Variants in DPP10 observed in about 807,000 individuals in gnomAD.
DPP10 encodes the protein inactive dipeptidyl peptidase 10.
DPP10 carries 33 observed loss-of-function variants against 120.9 expected under a neutral mutation model. That is an observed-to-expected ratio of 0.27 (90% CI 0.21 to 0.37). The LOEUF (loss-of-function observed/expected upper bound fraction) is 0.37. Ranked by LOEUF, DPP10 falls within the 10% of genes least tolerant of loss-of-function variation. The probability of loss-of-function intolerance (pLI) is 1.00; values close to 1 mark genes in which losing one functional copy is unlikely to be tolerated. For missense variants in DPP10, 816 were observed against 942.8 expected, an observed-to-expected ratio of 0.87 and a Z score of 1.76; for synonymous variants, 337 against 326.1, an observed-to-expected ratio of 1.03 and a Z score of -0.36.
intron 1 of DPP10, among the ~76,000 whole-genome samples, chr2:114,656,281 A>G (rs1696961463): frequency 6.6e-6 from 1 of 152,126 alleles, no homozygotes; most frequent in Admixed American, 6.6e-5. Context: ...ATCAGTTATT[A>G]GAATTTAGAC....
intron 1 of DPP10, among the ~76,000 whole-genome samples, chr2:114,834,199 C>T (rs547264571): frequency 2.7e-4 from 39 of 146,344 alleles, no homozygotes; most frequent in African/African-American, 9.9e-4. Context: ...TATATATAAG[C>T]CATATCTACA....
intron 3 of DPP10, among the ~76,000 whole-genome samples, chr2:115,422,121 G>A (rs1442125246): frequency 1.3e-5 from 2 of 152,046 alleles, no homozygotes; most frequent in African/African-American, 4.8e-5. Flanking sequence ...GGATTCGAGA[G>A]GGAAAATTGT....
chr2:115,782,480 C>T, intron 17 of DPP10, 81 bp downstream of exon 17: 1 of 1,329,442 alleles, frequency 7.5e-7, no homozygotes, highest in Admixed American at 1.8e-5. Flanking sequence ...TGAGTCATAT[C>T]CTCTATAAAT....
rs115966927 is a variant in DPP10, at chr2:115,641,720, G to A, written c.442-47967G>A. Reference sequence around the variant, plus strand: ...ATGCCTGTCAGATACTGGGTTCAATGTGCATGTGGAATAAATGAATGGATA... The same window carrying A: ...ATGCCTGTCAGATACTGGGTTCAATATGCATGTGGAATAAATGAATGGATA... On this transcript the variant is annotated intron_variant, in intron 5 of 25. Transcript: ENST00000410059. 6.6e-3 allele frequency among the ~76,000 whole-genome samples: 1,011 copies of A among 152,266 alleles called. 11 individuals carry two copies. The highest frequency in any genetic ancestry group is 0.023 in the African/African-American group (968 of 41,556).
chr2:115,251,996 C>G (rs1419990448), intron 1 of DPP10, among the ~76,000 whole-genome samples: 3 of 152,258 alleles, frequency 2.0e-5, no homozygotes, highest in African/African-American at 7.2e-5. Context: ...TTGAGCATGT[C>G]TAAAAAAGTT....
chr2:114,804,144 A>T (rs71418518), intron 1 of DPP10, among the ~76,000 whole-genome samples: 9,260 of 152,298 alleles, frequency 0.061, 318 homozygotes, highest in South Asian at 0.1. Context: ...GGAAGCCCCA[A>T]GCCTTGGCAG....
chr2:115,583,123 A>G (rs148913857), intron 5 of DPP10, among the ~76,000 whole-genome samples: 4 of 152,320 alleles, frequency 2.6e-5, no homozygotes, highest in Non-Finnish European at 1.5e-5. Context: ...TGGGTTTTAT[A>G]TGTTCCAGGT....
At chr2:114,849,970 T>C (rs747171133) in intron 1 of DPP10, among the ~76,000 whole-genome samples, 2 of 151,588 alleles carry the variant, frequency 1.3e-5, no homozygotes, top group African/African-American at 2.4e-5. Flanking sequence ...TTGTTTCTTC[T>C]CTTCTCCCTC....
At chr2:115,737,288 A>C (rs2149680414) in intron 8 of DPP10, among the ~76,000 whole-genome samples, 2 of 152,100 alleles carry the variant, frequency 1.3e-5, no homozygotes, top group African/African-American at 4.8e-5. Context: ...TTTCACTTTT[A>C]TTTTATAGTG....
chr2:115,565,216 T>C (rs2080925907), intron 5 of DPP10, among the ~76,000 whole-genome samples: 1 of 152,206 alleles, frequency 6.6e-6, no homozygotes, highest in African/African-American at 2.4e-5. Context: ...AACTGTTGAA[T>C]TTGAAACAAT....
rs544856482 is a variant in DPP10 at position 115,475,548 on chromosome 2, C to T, written c.272-23962C>T. 7.9e-5 allele frequency among the ~76,000 whole-genome samples: 12 copies of T among 152,308 alleles called. No individual in the cohort carries two copies. The East Asian group carries it at 2.3e-3, about 29-fold the overall frequency. ...GGGGTTGGAGTCCCCACACAGAATC[C>T]CCAGTGGAGGACTGTCTAGTGGAGC... On this transcript the variant is annotated intron_variant, in intron 3 of 25. Transcript: ENST00000410059.
intron 2 of DPP10, among the ~76,000 whole-genome samples, chr2:115,337,687 A>AT (rs2063225519): frequency 7.1e-6 from 1 of 141,430 alleles, no homozygotes; most frequent in South Asian, 2.3e-4. Flanking sequence ...AAAAAAAAAA[A>AT]GATAGAGGAT....
At chr2:115,320,733 A>T (rs907815603) in intron 2 of DPP10, among the ~76,000 whole-genome samples, 2 of 152,156 alleles carry the variant, frequency 1.3e-5, no homozygotes, top group African/African-American at 4.8e-5. Flanking sequence ...TAAGAAATAT[A>T]AAGATGAGTC....
At chr2:115,118,563 GT>G (rs1199633077) in intron 1 of DPP10, among the ~76,000 whole-genome samples, 1 of 152,008 alleles carries the variant, frequency 6.6e-6, no homozygotes, top group Admixed American at 6.6e-5. Context: ...AGGCAAGTTT[GT>G]TTTTTTGTTT....
chr2:114,830,680 A>G (rs1158022809), intron 1 of DPP10, among the ~76,000 whole-genome samples: 1 of 152,094 alleles, frequency 6.6e-6, no homozygotes, highest in Admixed American at 6.6e-5. Context: ...ACTTTTGTCA[A>G]TTTATTCAGC....
At chr2:114,669,191 C>G (rs184595015) in intron 1 of DPP10, among the ~76,000 whole-genome samples, 15 of 152,234 alleles carry the variant, frequency 9.9e-5, no homozygotes, top group Admixed American at 8.5e-4. Flanking sequence ...ATCAAAAAGC[C>G]TATACATTTT....
chr2:114,670,515 C>T (rs1183019222), intron 1 of DPP10, among the ~76,000 whole-genome samples: 1 of 151,308 alleles, frequency 6.6e-6, no homozygotes, highest in Non-Finnish European at 1.5e-5. Context: ...GAACATCACA[C>T]TCTGGGGACT....
At chr2:115,180,320 C>A (rs1261187480) in intron 1 of DPP10, among the ~76,000 whole-genome samples, 1 of 152,028 alleles carries the variant, frequency 6.6e-6, no homozygotes, top group Non-Finnish European at 1.5e-5. Context: ...CAGGCAGATT[C>A]CTGATTTCAT....
In DPP10 at chr2:114,979,937, T is replaced by G. The variant is rs1048494636; in HGVS notation, c.61-329302T>G. Among the ~76,000 whole-genome samples the G allele has an allele frequency of 7.2e-5, 11 of 152,240 alleles. No individual in the cohort carries two copies. In the South Asian group the frequency reaches 1.4e-3, roughly 20 times the overall value. ...TCGGTTGGTATCTTCCTAAGAAAATTTTGTCAGTTTCTATAGTCTTTTGCA... is the reference window on the plus strand; with the variant it reads ...TCGGTTGGTATCTTCCTAAGAAAATGTTGTCAGTTTCTATAGTCTTTTGCA... On this transcript the variant is annotated intron_variant, in intron 1 of 25. Transcript: ENST00000410059.
Sources: gnomAD v4.1 joint callset for allele counts (sites outside exome capture counted in the v4.1 genomes callset) on GRCh38, gnomAD v4.1.1 for gene constraint, MANE v1.5 for transcripts, NCBI Gene and HGNC (gene_info 2026-07-23, HGNC 2026-07-21) for gene names.